Variants in MDGA2 observed in about 807,000 individuals in gnomAD.
MDGA2 encodes MAM domain containing glycosylphosphatidylinositol anchor 2, also known as MAM domain-containing glycosylphosphatidylinositol anchor protein 2.
MDGA2 carries 40 observed loss-of-function variants against 117.8 expected under a neutral mutation model. That is an observed-to-expected ratio of 0.34 (90% CI 0.26 to 0.44). MDGA2 has a LOEUF of 0.44. Among genes scored for constraint, MDGA2 ranks in the 20% least tolerant of loss-of-function variants. The pLI is 1.00. For synonymous variants in MDGA2, 452 were observed against 439.0 expected (o/e 1.03, Z -0.37); for missense variants, 1,123 against 1,250.6 (o/e 0.90, Z 1.54).
At chr14:47,245,789 T>A (rs1887217138) in intron 2 of MDGA2, among the ~76,000 whole-genome samples, 1 of 151,744 alleles carries the variant, frequency 6.6e-6, no homozygotes, top group South Asian at 2.1e-4. Flanking sequence ...AGTTGGAAAT[T>A]CACTCAAATA....
chr14:46,928,995 C>T (rs865910964), intron 9 of MDGA2, among the ~76,000 whole-genome samples: 13 of 152,084 alleles, frequency 8.5e-5, no homozygotes, highest in African/African-American at 3.1e-4. Context: ...AAAAATCATT[C>T]TTAGCTCATG....
At chr14:47,190,628 C>T (rs1178111422) in intron 3 of MDGA2, among the ~76,000 whole-genome samples, 1 of 152,126 alleles carries the variant, frequency 6.6e-6, no homozygotes, top group East Asian at 1.9e-4. Context: ...CATACCTGTA[C>T]AACATGTAAC....
chr14:46,980,733 C>T (rs1284936604), intron 8 of MDGA2, among the ~76,000 whole-genome samples: 1 of 152,138 alleles, frequency 6.6e-6, no homozygotes, highest in African/African-American at 2.4e-5. Context: ...CCTCCACCAG[C>T]AAAAATACTA....
chr14:47,255,260 T>C (rs1041925307), intron 2 of MDGA2, among the ~76,000 whole-genome samples: 2 of 152,182 alleles, frequency 1.3e-5, no homozygotes, highest in Admixed American at 6.5e-5. Flanking sequence ...CGTGGTAGTA[T>C]GAAGGAAAAC....
intron 7 of MDGA2, 72 bp from the exon 8 acceptor site, chr14:47,035,376 A>C: frequency 8.1e-7 from 1 of 1,240,146 alleles, no homozygotes; most frequent in South Asian, 1.5e-5. Context: ...ACAGAAAATC[A>C]TAAGGAAACA....
chr14:47,109,919 CT>C (rs1399508807), intron 5 of MDGA2, among the ~76,000 whole-genome samples: 1 of 152,030 alleles, frequency 6.6e-6, no homozygotes, highest in Non-Finnish European at 1.5e-5. Context: ...GCACTCCAGC[CT>C]AGGGAGACAG....
rs568865889 is a variant in MDGA2, at chr14:47,665,993, G to A, written c.280+8524C>T. On this transcript the variant is annotated intron_variant, in intron 1 of 16. Coordinates refer to ENST00000399232, the MANE Select transcript of MDGA2 (RefSeq NM_001113498.3). ...GCAGCTCCACCTGTGGCCCTGGTGC[G>A]AGATCCACTGGGTGAAGCCAGCTGG... Among the ~76,000 whole-genome samples the A allele has an allele frequency of 2.7e-4, 41 of 152,080 alleles. No individual in the cohort carries two copies. The South Asian group carries it at 5.8e-3, about 22-fold the overall frequency.
intron 2 of MDGA2, among the ~76,000 whole-genome samples, chr14:47,261,381 A>G (rs1474117449): frequency 6.6e-6 from 1 of 152,118 alleles, no homozygotes; most frequent in East Asian, 1.9e-4. Flanking sequence ...GTGAAATTAG[A>G]TCTTGGATAT....
intron 8 of MDGA2, among the ~76,000 whole-genome samples, chr14:46,971,395 A>C (rs562135479): frequency 1.3e-5 from 2 of 152,274 alleles, no homozygotes; most frequent in East Asian, 3.9e-4. Flanking sequence ...GAATGAAATC[A>C]TGTCATGCAG....
intron 1 of MDGA2, among the ~76,000 whole-genome samples, chr14:47,327,515 A>G (rs1200200777): frequency 2.6e-5 from 4 of 152,318 alleles, no homozygotes; most frequent in Middle Eastern, 3.4e-3. Flanking sequence ...AGGTGGAGAC[A>G]TGAATAAATC....
rs531401364 is a variant in MDGA2, at chr14:47,511,285, G to T, written c.280+163232C>A. 7.2e-5 allele frequency among the ~76,000 whole-genome samples: 11 copies of T among 152,124 alleles called. No individual in the cohort carries two copies. In the South Asian group the frequency reaches 2.3e-3, roughly 32 times the overall value. On this transcript the variant is annotated intron_variant, in intron 1 of 16. Coordinates refer to ENST00000399232, the MANE Select transcript of MDGA2 (RefSeq NM_001113498.3). ...ATGAAATTGAATTTTGAAAGACTGT[G>T]TCATAAGTTCAGCATTAAATATGTT...
intron 6 of MDGA2, among the ~76,000 whole-genome samples, chr14:47,084,131 A>G (rs1890807905): frequency 6.6e-6 from 1 of 152,168 alleles, no homozygotes; most frequent in South Asian, 2.1e-4. Context: ...TCAAGTTCCC[A>G]TGGAACATAG....
chr14:47,396,775 C>T (rs900595354), intron 1 of MDGA2, among the ~76,000 whole-genome samples: 1 of 152,122 alleles, frequency 6.6e-6, no homozygotes, highest in Non-Finnish European at 1.5e-5. Context: ...CAAATCAAAA[C>T]CACAATGAGA....
chr14:47,006,111 A>G (rs1180255397), intron 8 of MDGA2, among the ~76,000 whole-genome samples: 3 of 151,482 alleles, frequency 2.0e-5, no homozygotes, highest in African/African-American at 4.8e-5. Context: ...TCTGTTTACC[A>G]ATTTGAAATG....
intron 2 of MDGA2, among the ~76,000 whole-genome samples, chr14:47,284,849 C>T (rs1309150081): frequency 6.6e-6 from 1 of 152,070 alleles, no homozygotes; most frequent in Non-Finnish European, 1.5e-5. Context: ...TCTGCCTGTA[C>T]CTAGGCAGCT....
At chr14:46,916,913 T>C (rs959522571) in intron 10 of MDGA2, among the ~76,000 whole-genome samples, 1 of 152,020 alleles carries the variant, frequency 6.6e-6, no homozygotes, top group African/African-American at 2.4e-5. Context: ...AAAGAATGTA[T>C]ACAGTGGCAG....
intron 2 of MDGA2, among the ~76,000 whole-genome samples, chr14:47,242,527 C>G (rs1353879180): frequency 5.3e-5 from 8 of 151,832 alleles, no homozygotes; most frequent in Admixed American, 5.2e-4. Context: ...TGGTGGGCCC[C>G]GCACTTGGAG....
intron 7 of MDGA2, among the ~76,000 whole-genome samples, chr14:47,060,555 G>A (rs922184874): frequency 2.0e-5 from 3 of 151,976 alleles, no homozygotes; most frequent in East Asian, 1.9e-4. Flanking sequence ...AGAATCACAG[G>A]GCTTTAAAGC....
At chr14:46,858,172 T>C (rs1278013764) in intron 14 of MDGA2, among the ~76,000 whole-genome samples, 2 of 151,328 alleles carry the variant, frequency 1.3e-5, no homozygotes, top group Admixed American at 1.3e-4. Flanking sequence ...ATTTTCTTTG[T>C]CTTCAAGTTC....
Sources: allele counts gnomAD v4.1 joint callset (sites outside exome capture counted in the v4.1 genomes callset), GRCh38; gene constraint gnomAD v4.1.1; transcripts MANE v1.5; gene names NCBI Gene and HGNC (gene_info 2026-07-23, HGNC 2026-07-21).